MIGA1: variants seen among roughly 807,000 people sequenced by gnomAD.
MIGA1 encodes the protein mitoguardin 1.
Under a neutral mutation model 82.0 loss-of-function variants are expected in MIGA1, and 58 were observed. The observed-to-expected ratio is 0.71, with a 90% CI of 0.57 to 0.88. MIGA1 has a LOEUF of 0.88. Among genes scored for constraint, MIGA1 ranks in the 40% least tolerant of loss-of-function variants. The pLI, the probability that MIGA1 is intolerant of heterozygous loss-of-function variation, is 0.00. For synonymous variants in MIGA1, 249 were observed against 253.6 expected, an observed-to-expected ratio of 0.98 and a Z score of 0.17; for missense variants, 751 against 749.1, an observed-to-expected ratio of 1.00 and a Z score of -0.03.
At chr1:77,829,881 C>G (rs377614143) in intron 7 of MIGA1, among the ~76,000 whole-genome samples, 76 of 124,250 alleles carry the variant, frequency 6.1e-4, no homozygotes, top group African/African-American at 2.2e-3. Flanking sequence ...ATTTGCAAAG[C>G]CCCCCCACCC....
At chr1:77,798,524 A>G (rs956950548) in intron 2 of MIGA1, among the ~76,000 whole-genome samples, 4 of 152,200 alleles carry the variant, frequency 2.6e-5, no homozygotes, top group African/African-American at 7.2e-5. Flanking sequence ...CTCTTGTGAG[A>G]CATATTCTCT....
At chr1:77,851,631 A>G (rs1456471701) in intron 8 of MIGA1, among the ~76,000 whole-genome samples, 1 of 152,198 alleles carries the variant, frequency 6.6e-6, no homozygotes, top group Non-Finnish European at 1.5e-5. Flanking sequence ...CTAAGCTGGC[A>G]TTGTCTCTGA....
At chr1:77,791,674 G>C (rs973265957) in intron 2 of MIGA1, among the ~76,000 whole-genome samples, 2 of 147,136 alleles carry the variant, frequency 1.4e-5, no homozygotes, top group African/African-American at 5.0e-5. Context: ...AGTGGTTCTT[G>C]TGCCTCAGCC....
At chr1:77,872,014 C>T (rs564738025) in intron 14 of MIGA1, among the ~76,000 whole-genome samples, 49 of 152,044 alleles carry the variant, frequency 3.2e-4, no homozygotes, top group Non-Finnish European at 6.5e-4. Flanking sequence ...GTCACCCAGG[C>T]TGGAGTACAG....
At position 77,844,127 on chromosome 1, in the gene MIGA1, T is replaced by TAG. The variant is rs1684741247; in HGVS notation, c.996+721_996+722insGA. Among the ~76,000 whole-genome samples the TAG allele has an allele frequency of 3.4e-5, 4 of 117,136 alleles. No homozygotes were observed. In the South Asian group the frequency reaches 1.0e-3, roughly 31 times the overall value. 76.8% of individuals were successfully genotyped at this position (117,136 alleles called of 152,430 possible). ...AAAAAAAAAAAAATATATATATATA[T>TAG]ATATATATATAGATAGATAGATAGA... On this transcript the variant is annotated intron_variant, in intron 8 of 15. Coordinates refer to ENST00000370791, the MANE Select transcript of MIGA1 (RefSeq NM_198549.4).
Position 77,878,672 on chromosome 1 carries a change from T to G in MIGA1, c.*3608T>G. The G allele has an allele frequency of 3.0e-6, 1 of 338,982 alleles. No individual in the cohort carries two copies. The highest frequency in any genetic ancestry group is 4.0e-5 in the East Asian group (1 of 24,880). The allele number at this position is 338,982 out of a possible 1,614,324, so 21.0% of individuals were successfully genotyped here. A position where few individuals can be genotyped will look rare whatever the true frequency, so the allele number is the denominator to read the frequency against. ...AAGATAAATTTTGAGGCAATTTACA[T>G]TTGGTATTTCTTTTAATTTCATTTT... On this transcript the variant is annotated 3_prime_UTR_variant, in exon 16 of 16. Transcript: ENST00000370791.
chr1:77,798,563 A>G (rs951775865), intron 2 of MIGA1, among the ~76,000 whole-genome samples: 2 of 152,210 alleles, frequency 1.3e-5, no homozygotes, highest in South Asian at 4.1e-4. Flanking sequence ...AACTGCCCCT[A>G]TGATTCAATT....
intron 11 of MIGA1, 54 bp downstream of exon 11, chr1:77,860,180 C>A: frequency 7.8e-7 from 1 of 1,279,874 alleles, no homozygotes; most frequent in Non-Finnish European, 1.1e-6. Flanking sequence ...TGTTTTTACC[C>A]TTTGAACTGA....
intron 14 of MIGA1, among the ~76,000 whole-genome samples, chr1:77,872,412 G>A (rs754139462): frequency 4.6e-5 from 7 of 152,068 alleles, no homozygotes; most frequent in Non-Finnish European, 8.8e-5. Context: ...ACCAGCCTGA[G>A]CAACATAGTG....
chr1:77,815,968 T>G (rs1683557483), intron 7 of MIGA1, among the ~76,000 whole-genome samples: 1 of 152,042 alleles, frequency 6.6e-6, no homozygotes, highest in South Asian at 2.1e-4. Context: ...GAGGCAGAGT[T>G]TCACTCACTC....
chr1:77,803,476 TGTCA>T (rs1682968752), intron 4 of MIGA1, 70 bp downstream of exon 4: 1 of 606,860 alleles, frequency 1.6e-6, no homozygotes, highest in Non-Finnish European at 2.5e-6. Flanking sequence ...TTAGTTTAAG[TGTCA>T]TATACTTATA....
chr1:77,815,355 A>G, intron 7 of MIGA1, 124 bp downstream of exon 7: 1 of 706,180 alleles, frequency 1.4e-6, no homozygotes, highest in Non-Finnish European at 2.0e-6. Flanking sequence ...AAACTAGCCA[A>G]GAGAAAAAAT....
chr1:77,847,905 G>C lies in MIGA1; in HGVS notation c.996+4498G>C. 4 of 1,506,810 alleles carry C rather than the reference G, an allele frequency of 2.7e-6. No homozygotes were observed. In the South Asian group the frequency reaches 4.5e-5, roughly 17 times the overall value. The allele number at this position is 1,506,810 out of a possible 1,614,324, so 93.3% of individuals were successfully genotyped here. On this transcript the variant is annotated intron_variant, in intron 8 of 15. Transcript: ENST00000370791. ...CTTTGATGCTAAGAGCAGCAAGGAT[G>C]ATGAAATAAAGAAACTAGAGTGAAC... is the stretch of plus-strand genomic sequence containing the variant.
chr1:77,811,217 T>C (rs1158332672), intron 5 of MIGA1: 8 of 1,554,014 alleles, frequency 5.1e-6, no homozygotes, highest in Non-Finnish European at 7.1e-6. Context: ...CTAACTGTAA[T>C]ATAGGGATCG....
At chr1:77,838,354 T>C (rs1433701212) in intron 7 of MIGA1, among the ~76,000 whole-genome samples, 2 of 151,722 alleles carry the variant, frequency 1.3e-5, no homozygotes, top group Admixed American at 6.6e-5. Context: ...ATTTATTATT[T>C]ATTTATTTAT....
chr1:77,858,288 A>G (rs1685337464), intron 8 of MIGA1, among the ~76,000 whole-genome samples: 1 of 152,028 alleles, frequency 6.6e-6, no homozygotes, highest in African/African-American at 2.4e-5. Context: ...TGGAGGCTGC[A>G]TTGAGCCAAG....
chr1:77,799,610 G>A (rs1682792212), intron 2 of MIGA1, among the ~76,000 whole-genome samples: 2 of 151,690 alleles, frequency 1.3e-5, no homozygotes, highest in African/African-American at 4.8e-5. Context: ...TTGTTGGAAG[G>A]TTTTTAACTA....
chr1:77,779,801 ACG>A, intron 1 of MIGA1, 65 bp downstream of exon 1: 1 of 1,499,564 alleles, frequency 6.7e-7, no homozygotes, highest in East Asian at 2.5e-5. Flanking sequence ...TTGAGCGGCC[ACG>A]CAGTTGGGGC....
chr1:77,829,362 G>A (rs1041906646), intron 7 of MIGA1, among the ~76,000 whole-genome samples: 2 of 152,176 alleles, frequency 1.3e-5, no homozygotes, highest in African/African-American at 4.8e-5. Context: ...GAGATAGCAG[G>A]ATCTTTTGAG....
Sources: gnomAD v4.1 joint callset for allele counts (sites outside exome capture counted in the v4.1 genomes callset) on GRCh38, gnomAD v4.1.1 for gene constraint, MANE v1.5 for transcripts, NCBI Gene and HGNC (gene_info 2026-07-23, HGNC 2026-07-21) for gene names.